The following MEF2A variants were observed in gnomAD, a reference collection of about 807,000 sequenced individuals.
The protein encoded by MEF2A is myocyte enhancer factor 2A.
MEF2A carries 28 observed loss-of-function variants against 55.8 expected under a neutral mutation model. The observed-to-expected ratio is 0.50, with a 90% CI of 0.37 to 0.69. MEF2A has a LOEUF of 0.69. Ranked by LOEUF, MEF2A falls within the 30% of genes least tolerant of loss-of-function variation. The pLI is 0.00. For synonymous variants in MEF2A, 239 were observed against 227.1 expected (o/e 1.05, Z -0.47); for missense variants, 528 against 626.2 (o/e 0.84, Z 1.67).
chr15:99,687,193 T>C (rs2054454261), intron 7 of MEF2A, among the ~76,000 whole-genome samples: 1 of 149,806 alleles, frequency 6.7e-6, no homozygotes, highest in African/African-American at 2.5e-5. Flanking sequence ...CCCAAAGTTC[T>C]GGGATTACAG....
chr15:99,650,372 C>A (rs1333658189), intron 4 of MEF2A, among the ~76,000 whole-genome samples: 1 of 152,154 alleles, frequency 6.6e-6, no homozygotes, highest in Non-Finnish European at 1.5e-5. Flanking sequence ...CATGTACGAT[C>A]TATAGCAGTC....
chr15:99,694,466 A>T (rs1337817568), intron 8 of MEF2A, among the ~76,000 whole-genome samples: 1 of 152,232 alleles, frequency 6.6e-6, no homozygotes, highest in African/African-American at 2.4e-5. Context: ...ATCCAAAATG[A>T]TCCAATGAGT....
intron 4 of MEF2A, among the ~76,000 whole-genome samples, chr15:99,664,572 A>G (rs554930184): frequency 3.9e-5 from 6 of 152,326 alleles, no homozygotes; most frequent in African/African-American, 1.4e-4. Context: ...TGGAAAAAAG[A>G]TATAAGAGTC....
intron 7 of MEF2A, among the ~76,000 whole-genome samples, chr15:99,685,663 C>T (rs2054084349): frequency 6.6e-6 from 1 of 152,114 alleles, no homozygotes; most frequent in South Asian, 2.1e-4. Context: ...TAGTATGAAA[C>T]CCACTTGATC....
intron 4 of MEF2A, among the ~76,000 whole-genome samples, chr15:99,646,527 T>C (rs773575907): frequency 1.1e-4 from 16 of 152,138 alleles, no homozygotes; most frequent in Non-Finnish European, 2.1e-4. Flanking sequence ...AATTTTTTAT[T>C]ACTTGAAAGA....
intron 4 of MEF2A, among the ~76,000 whole-genome samples, chr15:99,659,354 T>A (rs1332913937): frequency 6.6e-6 from 1 of 152,030 alleles, no homozygotes; most frequent in African/African-American, 2.4e-5. Flanking sequence ...CTGGGTAAGA[T>A]CTTAGAATTT....
intron 2 of MEF2A, among the ~76,000 whole-genome samples, chr15:99,620,088 A>G (rs2040880699): frequency 6.6e-6 from 1 of 152,266 alleles, no homozygotes; most frequent in Non-Finnish European, 1.5e-5. Flanking sequence ...TATTTTAGAA[A>G]AAAGGAAAAT....
At chr15:99,642,756 C>T (rs865908144) in intron 3 of MEF2A, among the ~76,000 whole-genome samples, 1 of 152,170 alleles carries the variant, frequency 6.6e-6, no homozygotes, top group African/African-American at 2.4e-5. Context: ...AATCTTGTAG[C>T]ACTAATCAGA....
intron 2 of MEF2A, among the ~76,000 whole-genome samples, chr15:99,604,937 ATTTTGTTAG>A (rs1974517743): frequency 1.3e-5 from 2 of 152,106 alleles, no homozygotes; most frequent in African/African-American, 4.8e-5. Context: ...TATTCCAAAA[ATTTTGTTAG>A]TTTATCTGCT....
At chr15:99,711,028 G>T (rs2058583769) in intron 11 of MEF2A, among the ~76,000 whole-genome samples, 1 of 152,162 alleles carries the variant, frequency 6.6e-6, no homozygotes, top group Non-Finnish European at 1.5e-5. Flanking sequence ...ACTCAACCAG[G>T]ATCTGAAGGG....
chr15:99,678,724 C>G (rs1195154758), intron 7 of MEF2A: 1 of 963,384 alleles, frequency 1.0e-6, no homozygotes, highest in Admixed American at 6.2e-5. Context: ...GCAAAGACTT[C>G]TTAAATAAGA....
intron 1 of MEF2A, among the ~76,000 whole-genome samples, chr15:99,571,599 T>C (rs1962330896): frequency 6.6e-6 from 1 of 152,224 alleles, no homozygotes; most frequent in African/African-American, 2.4e-5. Flanking sequence ...GTTTTCATAC[T>C]GATGACTACT....
intron 1 of MEF2A, among the ~76,000 whole-genome samples, chr15:99,585,086 C>G (rs1453493929): frequency 2.0e-5 from 3 of 152,130 alleles, no homozygotes; most frequent in African/African-American, 7.2e-5. Flanking sequence ...TGTATAAAAA[C>G]CTATCTTTTT....
At chr15:99,674,014 T>C (rs1272034937) in intron 5 of MEF2A, among the ~76,000 whole-genome samples, 3 of 152,172 alleles carry the variant, frequency 2.0e-5, no homozygotes, top group Non-Finnish European at 2.9e-5. Flanking sequence ...AGAAATGTAA[T>C]GTTATTAAGG....
chr15:99,691,104 T>TG (rs1327835207), intron 8 of MEF2A, among the ~76,000 whole-genome samples: 2 of 150,024 alleles, frequency 1.3e-5, no homozygotes, highest in South Asian at 4.3e-4. Flanking sequence ...AATCAGGTTT[T>TG]TTTTTTTTTT....
chr15:99,627,419 C>CAAAAAAAAAAAAAAA (rs139658538), intron 2 of MEF2A, among the ~76,000 whole-genome samples: 1 of 43,056 alleles, frequency 2.3e-5, no homozygotes, highest in African/African-American at 1.1e-4. Context: ...GACTTTATCT[C>CAAAAAAAAAAAAAAA]AAAAAAAAAA....
intron 8 of MEF2A, among the ~76,000 whole-genome samples, chr15:99,695,570 T>TGTGTG (rs200260929): frequency 1.3e-5 from 2 of 151,650 alleles, no homozygotes; most frequent in Non-Finnish European, 1.5e-5. Context: ...TGTGTGTGTG[T>TGTGTG]TTCTTAAAAA....
intron 1 of MEF2A, among the ~76,000 whole-genome samples, chr15:99,583,188 G>A (rs1379096513): frequency 3.9e-5 from 6 of 151,946 alleles, no homozygotes; most frequent in East Asian, 1.9e-4. Flanking sequence ...ACCCTATTTC[G>A]ATATAGATTA....
chr15:99,599,255 A>G (rs1442160105), intron 2 of MEF2A, among the ~76,000 whole-genome samples: 1 of 152,160 alleles, frequency 6.6e-6, no homozygotes, highest in East Asian at 1.9e-4. Context: ...ATATTTTAAA[A>G]TAAGTAATTT....
Sources: allele counts gnomAD v4.1 joint callset (sites outside exome capture counted in the v4.1 genomes callset), GRCh38; gene constraint gnomAD v4.1.1; transcripts MANE v1.5; gene names NCBI Gene and HGNC (gene_info 2026-07-23, HGNC 2026-07-21).